TMEM120B: variants seen among roughly 807,000 people sequenced by gnomAD.
TMEM120B encodes transmembrane protein 120B.
Under a neutral mutation model 55.5 loss-of-function variants are expected in TMEM120B, and 31 were observed. That is an observed-to-expected ratio of 0.56 (90% CI 0.42 to 0.75). The LOEUF (loss-of-function observed/expected upper bound fraction) is 0.75. Among genes scored for constraint, TMEM120B ranks in the 30% least tolerant of loss-of-function variants. The pLI, the probability that TMEM120B is intolerant of heterozygous loss-of-function variation, is 0.00. For missense variants in TMEM120B, 399 were observed against 425.5 expected (o/e 0.94, Z 0.55); for synonymous variants, 203 against 176.3 (o/e 1.15, Z -1.20).
At chr12:121,730,769 C>A (rs570738760) in intron 1 of TMEM120B, among the ~76,000 whole-genome samples, 2 of 150,950 alleles carry the variant, frequency 1.3e-5, no homozygotes, top group Non-Finnish European at 2.9e-5. Flanking sequence ...ACCAGCCTGA[C>A]CAACATGGAG....
chr12:121,753,099 C>G (rs906553437), intron 5 of TMEM120B, among the ~76,000 whole-genome samples: 5 of 150,552 alleles, frequency 3.3e-5, no homozygotes, highest in African/African-American at 1.2e-4. Context: ...CAGAGGGAGA[C>G]CTGGTCTGAA....
rs183119832 is a variant in TMEM120B, at chr12:121,780,891, T to C, written c.*5169T>C. On this transcript the variant is annotated 3_prime_UTR_variant, in exon 12 of 12. Transcript: ENST00000449592. Reference sequence around the variant, plus strand: ...GCCCACCTGCATGTAGGTGATGGGCTCCAGCTGGGCGGCCCGGAGCTTCCG... The same window carrying C: ...GCCCACCTGCATGTAGGTGATGGGCCCCAGCTGGGCGGCCCGGAGCTTCCG... The C allele has an allele frequency of 1.9e-6, 3 of 1,613,644 alleles. No individual in the cohort carries two copies. Among genetic ancestry groups the C allele is most frequent in the Non-Finnish European group, 1.7e-6 (2 of 1,179,866 alleles).
In TMEM120B at chr12:121,722,825, G is replaced by T. The variant is rs1237357783; in HGVS notation, c.69+9861G>T. On this transcript the variant is annotated intron_variant, in intron 1 of 11. Transcript: ENST00000449592. ...TGAAAATAAGGGGCTGTTTACAAAG[G>T]TGTGGGCAGTTTTTTAAATTTACTT... Among the ~76,000 whole-genome samples the T allele has an allele frequency of 4.0e-5, 6 of 150,336 alleles. No individual in the cohort carries two copies. In the East Asian group the frequency reaches 1.2e-3, roughly 30 times the overall value.
intron 6 of TMEM120B, among the ~76,000 whole-genome samples, chr12:121,770,482 C>T (rs996751321): frequency 6.6e-6 from 1 of 152,160 alleles, no homozygotes; most frequent in African/African-American, 2.4e-5. Flanking sequence ...CCTGAGGTGG[C>T]AGCAGGCAGG....
chr12:121,713,652 G>C (rs965571148), intron 1 of TMEM120B, among the ~76,000 whole-genome samples: 3 of 152,086 alleles, frequency 2.0e-5, no homozygotes, highest in Non-Finnish European at 4.4e-5. Flanking sequence ...GTGTAAGGCG[G>C]GGGTCCCCTG....
At chr12:121,731,902 C>T (rs1206944926) in intron 1 of TMEM120B, among the ~76,000 whole-genome samples, 2 of 152,060 alleles carry the variant, frequency 1.3e-5, no homozygotes, top group African/African-American at 2.4e-5. Context: ...TTTGGGAGGC[C>T]GAGGCAGGCG....
At chr12:121,758,173 G>A in intron 5 of TMEM120B, 1 of 985,458 alleles carries the variant, frequency 1.0e-6, no homozygotes, top group Non-Finnish European at 1.2e-6. Flanking sequence ...TGGTGGGGAA[G>A]CCCTCAGAGG....
chr12:121,723,973 AT>A (rs200106842), intron 1 of TMEM120B, among the ~76,000 whole-genome samples: 16 of 140,752 alleles, frequency 1.1e-4, no homozygotes, highest in African/African-American at 2.6e-4. Context: ...TTATAATTAA[AT>A]TTTTTTTTTG....
Position 121,781,275 on chromosome 12 carries a change from G to GTGA in TMEM120B, c.*5554_*5556dup. On this transcript the variant is annotated 3_prime_UTR_variant, in exon 12 of 12. Coordinates refer to ENST00000449592, the MANE Select transcript of TMEM120B (RefSeq NM_001080825.2). Reference sequence around the variant, plus strand: ...GGGTGAAGGGGAAGGGGCCAGGCAAGTGACCCTGCCTTAGGGCCTCAATTT... The same window carrying GTGA: ...GGGTGAAGGGGAAGGGGCCAGGCAAGTGATGACCCTGCCTTAGGGCCTCAATTT... 1 of 1,274,990 alleles carries GTGA rather than the reference G, an allele frequency of 7.8e-7. No individual in the cohort carries two copies. The highest frequency in any genetic ancestry group is 1.1e-6 in the Non-Finnish European group (1 of 891,106). The allele number at this position is 1,274,990 out of a possible 1,614,324, so 79.0% of individuals were successfully genotyped here.
chr12:121,732,825 A>G (rs569793783), intron 1 of TMEM120B, among the ~76,000 whole-genome samples: 4 of 152,064 alleles, frequency 2.6e-5, no homozygotes, highest in South Asian at 2.1e-4. Context: ...TAAAAATACA[A>G]AAAATTAGCC....
At chr12:121,743,052 G>A (rs1198767088) in intron 1 of TMEM120B, among the ~76,000 whole-genome samples, 1 of 152,138 alleles carries the variant, frequency 6.6e-6, no homozygotes, top group Non-Finnish European at 1.5e-5. Flanking sequence ...CCCCAGCACT[G>A]GGGCGAAGTC....
At chr12:121,771,933 C>T (rs529939075) in intron 8 of TMEM120B, among the ~76,000 whole-genome samples, 1 of 152,248 alleles carries the variant, frequency 6.6e-6, no homozygotes, top group East Asian at 1.9e-4. Flanking sequence ...GGGAAGGGGG[C>T]TTGAATGCTT....
rs1874269935 is a variant in TMEM120B, at chr12:121,776,991, T to C, written c.*1269T>C. The C allele has an allele frequency of 6.7e-6, 1 of 150,202 alleles. No individual in the cohort carries two copies. Among genetic ancestry groups the C allele is most frequent in the Admixed American group, 6.7e-5 (1 of 14,982 alleles). 9.3% of individuals were successfully genotyped at this position (150,202 alleles called of 1,614,324 possible). A position where few individuals can be genotyped will look rare whatever the true frequency, so the allele number is the denominator to read the frequency against. ...TTTTTTTGAGATGGGAGTCTCGATC[T>C]GTTACCCAGGCTGGAGTGCAGTGAC... is the stretch of plus-strand genomic sequence containing the variant. On this transcript the variant is annotated 3_prime_UTR_variant, in exon 12 of 12. Transcript: ENST00000449592.
chr12:121,714,342 C>T (rs1011155762), intron 1 of TMEM120B, among the ~76,000 whole-genome samples: 15 of 152,186 alleles, frequency 9.9e-5, no homozygotes, highest in African/African-American at 3.4e-4. Flanking sequence ...CTACAGCCTC[C>T]GCCTCCCGGG....
At chr12:121,770,790 C>G in intron 6 of TMEM120B, 117 bp from the exon 7 acceptor site, 1 of 922,586 alleles carries the variant, frequency 1.1e-6, no homozygotes, top group South Asian at 1.4e-5. Context: ...GTTTCTTACT[C>G]CAAGAAGCCG....
chr12:121,771,942 T>C (rs1184255107), intron 8 of TMEM120B, among the ~76,000 whole-genome samples: 2 of 152,222 alleles, frequency 1.3e-5, no homozygotes, highest in East Asian at 1.9e-4. Flanking sequence ...GCTTGAATGC[T>C]TGGGGACAGG....
chr12:121,779,774 T>G lies in TMEM120B; in HGVS notation c.*4052T>G. 8.5e-7 allele frequency: 1 copy of G among 1,170,482 alleles called. No homozygotes were observed. 72.5% of individuals were successfully genotyped at this position (1,170,482 alleles called of 1,614,324 possible). On this transcript the variant is annotated 3_prime_UTR_variant, in exon 12 of 12. Coordinates refer to ENST00000449592, the MANE Select transcript of TMEM120B (RefSeq NM_001080825.2). Reference sequence around the variant, plus strand: ...ACTCTGCAGGGATGGAGGCCTTGGTTTGGGCCTGTCTGTCTCCTCCATCCT... The same window carrying G: ...ACTCTGCAGGGATGGAGGCCTTGGTGTGGGCCTGTCTGTCTCCTCCATCCT...
intron 3 of TMEM120B, among the ~76,000 whole-genome samples, chr12:121,749,876 A>G (rs1162910205): frequency 6.6e-6 from 1 of 150,822 alleles, no homozygotes; most frequent in Non-Finnish European, 1.5e-5. Flanking sequence ...ACTGCAGTCC[A>G]GTCTGGGTGA....
intron 1 of TMEM120B, among the ~76,000 whole-genome samples, chr12:121,726,578 C>CAAA (rs35018846): frequency 1.5e-5 from 2 of 130,980 alleles, no homozygotes; most frequent in Admixed American, 7.9e-5. Context: ...GACTCTGTCT[C>CAAA]AAAAAAAAAA....
Sources: allele counts gnomAD v4.1 joint callset (sites outside exome capture counted in the v4.1 genomes callset), GRCh38; gene constraint gnomAD v4.1.1; transcripts MANE v1.5; gene names NCBI Gene and HGNC (gene_info 2026-07-23, HGNC 2026-07-21).